Variants in GALNT12 observed in about 807,000 individuals in gnomAD.
The protein encoded by GALNT12 is polypeptide N-acetylgalactosaminyltransferase 12.
In GALNT12, 45 loss-of-function variants were observed where a neutral mutation model predicts 55.5. The observed-to-expected ratio is 0.81, with a 90% CI of 0.64 to 1.04. The LOEUF (loss-of-function observed/expected upper bound fraction) is 1.04, where lower values mean the gene tolerates loss of function less well. GALNT12 is among the 50% of genes least tolerant of loss of function. The probability of loss-of-function intolerance (pLI) is 0.00; values close to 1 mark genes in which losing one functional copy is unlikely to be tolerated. For missense variants in GALNT12, 709 were observed against 754.8 expected, an observed-to-expected ratio of 0.94 and a Z score of 0.71; for synonymous variants, 304 against 312.2, an observed-to-expected ratio of 0.97 and a Z score of 0.28.
chr9:98,824,197 C>G (rs954546798), intron 2 of GALNT12, among the ~76,000 whole-genome samples: 1 of 152,200 alleles, frequency 6.6e-6, no homozygotes, highest in Non-Finnish European at 1.5e-5. Flanking sequence ...TAGTGACTCA[C>G]ACAAGATAGA....
At chr9:98,836,928 C>T (rs753008351) in intron 5 of GALNT12, 44 bp from the exon 6 acceptor site, 2 of 1,600,308 alleles carry the variant, frequency 1.2e-6, no homozygotes, top group Non-Finnish European at 1.7e-6. Flanking sequence ...ACCCGCAGCT[C>T]ATCCCCTGCT....
intron 1 of GALNT12, among the ~76,000 whole-genome samples, chr9:98,815,566 T>G (rs1835592509): frequency 2.0e-5 from 3 of 152,110 alleles, no homozygotes; most frequent in Admixed American, 6.6e-5. Flanking sequence ...AAACAGAAAC[T>G]ATACCAGGAC....
chr9:98,839,201 A>T (rs1270418368), intron 6 of GALNT12, among the ~76,000 whole-genome samples: 1 of 152,218 alleles, frequency 6.6e-6, no homozygotes. Flanking sequence ...TGCTAAATGG[A>T]TACTTGGCTG....
Position 98,832,998 on chromosome 9 carries a change from T to C in GALNT12, c.917+1041T>C, listed in dbSNP as rs57060431. ...CACCTAGGAGTGGGATTGCTGGTCA[T>C]ATGCTCATTCTTGAGGAAACATCTT... On this transcript the variant is annotated intron_variant, in intron 4 of 9. Coordinates refer to ENST00000375011, the MANE Select transcript of GALNT12 (RefSeq NM_024642.5). Among the ~76,000 whole-genome samples the C allele has an allele frequency of 5.6e-3, 851 of 152,280 alleles. 10 individuals carry two copies. The highest frequency in any genetic ancestry group is 0.019 in the African/African-American group (799 of 41,560).
chr9:98,813,264 T>C (rs898429959), intron 1 of GALNT12, among the ~76,000 whole-genome samples: 5 of 152,268 alleles, frequency 3.3e-5, no homozygotes, highest in South Asian at 2.1e-4. Flanking sequence ...GAAGGTATTA[T>C]TCCCTTGTCA....
Position 98,807,769 on chromosome 9 carries a change from T to C in GALNT12, c.71T>C (p.Leu24Pro), listed in dbSNP as rs765971997. The change falls in exon 1 of 10, where the codon CTC becomes CCC. Residue 24 changes from leucine (L) to proline (P), a missense_variant. Physicochemically the swap from Leu to Pro is moderately conservative, Grantham distance 98 (BLOSUM62 -3). Coordinates refer to ENST00000375011, the MANE Select transcript of GALNT12 (RefSeq NM_024642.5). ...LRRGREALLV[L>P]LALLALAGLG... ...CGCGGCCGGGAGGCGCTGTTGGTGCTCCTGGCGCTACTGGCGTTGGCCGGG... is the reference window on the plus strand; with the variant it reads ...CGCGGCCGGGAGGCGCTGTTGGTGCCCCTGGCGCTACTGGCGTTGGCCGGG... The C allele has an allele frequency of 5.1e-6, 6 of 1,167,348 alleles. No individual in the cohort carries two copies. In the South Asian group the frequency reaches 1.0e-4, roughly 20 times the overall value. 72.3% of individuals were successfully genotyped at this position (1,167,348 alleles called of 1,614,324 possible).
chr9:98,810,118 C>G (rs1835464053), intron 1 of GALNT12, among the ~76,000 whole-genome samples: 3 of 152,172 alleles, frequency 2.0e-5, no homozygotes, highest in Admixed American at 1.3e-4. Flanking sequence ...TGGCATCTCA[C>G]TTTTATTACA....
In GALNT12 at chr9:98,837,149, G is replaced by T. The variant is rs1836175199; in HGVS notation, c.1212+1G>T. On this transcript the variant is annotated splice_donor_variant, in intron 6 of 9. Transcript: ENST00000375011. LOFTEE classifies it high-confidence loss of function. ...CCATCGCAACCCCCGTGCCCGCTTG[G>T]TGAGTTCCTCGGCCCACCTGCACTC... 1 of 1,614,048 alleles carries T rather than the reference G, an allele frequency of 6.2e-7. No homozygotes were observed. Among genetic ancestry groups the T allele is most frequent in the African/African-American group, 1.3e-5 (1 of 74,926 alleles).
intron 9 of GALNT12, among the ~76,000 whole-genome samples, chr9:98,846,356 T>C (rs962673173): frequency 8.5e-5 from 13 of 152,110 alleles, no homozygotes; most frequent in Non-Finnish European, 1.6e-4. Flanking sequence ...TCCTTCCTCA[T>C]TGTCCAGTCC....
Position 98,826,669 on chromosome 9 carries a change from G to T in GALNT12, c.542-83G>T. On this transcript the variant is annotated intron_variant, in intron 2 of 9. Transcript: ENST00000375011. Reference sequence around the variant, plus strand: ...TATTTCATCTTCTGTTTGGGACAGGGAGGCCCAGAAGGCCCCGGGTTGGGA... The same window carrying T: ...TATTTCATCTTCTGTTTGGGACAGGTAGGCCCAGAAGGCCCCGGGTTGGGA... The T allele has an allele frequency of 5.3e-6, 7 of 1,330,898 alleles. No homozygotes were observed. The South Asian group carries it at 8.8e-5, about 17-fold the overall frequency. 82.4% of individuals were successfully genotyped at this position (1,330,898 alleles called of 1,614,324 possible).
chr9:98,840,407 G>A (rs1449751035), intron 7 of GALNT12, among the ~76,000 whole-genome samples: 1 of 152,216 alleles, frequency 6.6e-6, no homozygotes, highest in Non-Finnish European at 1.5e-5. Context: ...GTGTTTCCAT[G>A]TCCTAGTTTT....
At chr9:98,808,173 G>T (rs1835420146) in intron 1 of GALNT12, 104 bp downstream of exon 1, 2 of 858,954 alleles carry the variant, frequency 2.3e-6, no homozygotes, top group Admixed American at 2.2e-5. Flanking sequence ...CCAGGATGGC[G>T]CGTCTTATTG....
chr9:98,809,913 C>T (rs1288645903), intron 1 of GALNT12, among the ~76,000 whole-genome samples: 1 of 152,204 alleles, frequency 6.6e-6, no homozygotes, highest in Non-Finnish European at 1.5e-5. Context: ...CCTGCTGTTG[C>T]ATTGACCCTG....
rs1003752437 is a variant in GALNT12 at position 98,826,797 on chromosome 9, A to G, written c.587A>G (p.Lys196Arg). ...RLANELSGLP[K>R]VRLIRANKRE... ...GCCAATGAGCTTTCGGGACTGCCCA[A>G]GGTGCGCCTGATCCGCGCCAACAAG... Residue 196 changes from lysine (K) to arginine (R), a missense_variant, in exon 3 of 10, where the codon AAG (lysine) becomes AGG (arginine). Physicochemically the swap from Lys to Arg is conservative, Grantham distance 26. Coordinates refer to ENST00000375011, the MANE Select transcript of GALNT12 (RefSeq NM_024642.5). The G allele has an allele frequency of 1.9e-6, 3 of 1,612,068 alleles. No homozygotes were observed. The highest frequency in any genetic ancestry group is 2.1e-4 in the Middle Eastern group (1 of 4,866).
At chr9:98,815,487 CGTAA>C (rs1335166996) in intron 1 of GALNT12, among the ~76,000 whole-genome samples, 1 of 152,022 alleles carries the variant, frequency 6.6e-6, no homozygotes, top group African/African-American at 2.4e-5. Flanking sequence ...GTAACCCCAC[CGTAA>C]GTCAAGGGGC....
rs1010164280 is a variant in GALNT12, at chr9:98,849,148, A to G, written c.*56A>G. 3.8e-6 allele frequency: 6 copies of G among 1,595,552 alleles called. No homozygotes were observed. The African/African-American group carries it at 8.1e-5, about 21-fold the overall frequency. On this transcript the variant is annotated 3_prime_UTR_variant, in exon 10 of 10. Transcript: ENST00000375011. Reference sequence around the variant, plus strand: ...AGACTGTGGAGCCAGGACTCTGCCCAACAAAGACTTAGCTAAGCAGTGACC... The same window carrying G: ...AGACTGTGGAGCCAGGACTCTGCCCGACAAAGACTTAGCTAAGCAGTGACC...
chr9:98,815,550 A>G (rs945441870), intron 1 of GALNT12, among the ~76,000 whole-genome samples: 1 of 152,224 alleles, frequency 6.6e-6, no homozygotes, highest in Non-Finnish European at 1.5e-5. Flanking sequence ...GATGTTTTCA[A>G]AAAAGAAACA....
intron 7 of GALNT12, among the ~76,000 whole-genome samples, chr9:98,841,564 C>A (rs1417530282): frequency 6.6e-6 from 1 of 152,148 alleles, no homozygotes; most frequent in Non-Finnish European, 1.5e-5. Context: ...TTCATTTCTT[C>A]CACATTTATT....
rs1835787864 is a variant in GALNT12, at chr9:98,823,340, C to T, written c.456C>T (p.Leu152=). 1 of 1,614,056 alleles carries T rather than the reference C, an allele frequency of 6.2e-7. No homozygotes were observed. The highest frequency in any genetic ancestry group is 8.5e-7 in the Non-Finnish European group (1 of 1,179,852). Residue 152 remains leucine (L), a synonymous_variant, in exon 2 of 10, where the codon CTC becomes CTT. Transcript: ENST00000375011. ...TTTATAATGAAGCCTGGTCAACTCT[C>T]CTTCGGACAGTTTACAGTGTCCTTG... ...IAFYNEAWST[L]LRTVYSVLET...
Sources: gnomAD v4.1 joint callset for allele counts (sites outside exome capture counted in the v4.1 genomes callset) on GRCh38, gnomAD v4.1.1 for gene constraint, MANE v1.5 for transcripts, NCBI Gene and HGNC (gene_info 2026-07-23, HGNC 2026-07-21) for gene names.